Variants in ATP2B2 observed in about 807,000 individuals in gnomAD.
The protein encoded by ATP2B2 is plasma membrane calcium-transporting ATPase 2.
In ATP2B2, 15 loss-of-function variants were observed where a neutral mutation model predicts 120.0. The observed-to-expected ratio is 0.12, with a 90% CI of 0.08 to 0.19. The LOEUF is 0.19. Among genes scored for constraint, ATP2B2 ranks in the 10% least tolerant of loss-of-function variants. The pLI is 1.00. For synonymous variants in ATP2B2, 694 were observed against 700.3 expected (o/e 0.99, Z 0.14); for missense variants, 1,045 against 1,719.8 (o/e 0.61, Z 6.94).
chr3:10,679,309 A>G lies in ATP2B2; in HGVS notation c.-460+28606T>C, dbSNP rs183409015. ...CAGCAATAGACAACCAATACCTTACATCACAGGAATGTTTATGAGAAAATG... is the reference window on the plus strand; with the variant it reads ...CAGCAATAGACAACCAATACCTTACGTCACAGGAATGTTTATGAGAAAATG... On this transcript the variant is annotated intron_variant, in intron 1 of 21. Coordinates refer to the ATP2B2 transcript ENST00000646379. Among the ~76,000 whole-genome samples the G allele has an allele frequency of 5.9e-5, 9 of 152,348 alleles. No homozygotes were observed. The East Asian group carries it at 1.7e-3, about 29-fold the overall frequency.
At chr3:10,687,526 T>C (rs939523532) in intron 1 of ATP2B2, among the ~76,000 whole-genome samples, 1 of 151,908 alleles carries the variant, frequency 6.6e-6, no homozygotes, top group African/African-American at 2.4e-5. Flanking sequence ...CAAATTTTAG[T>C]GGGAAAACAA....
At chr3:10,476,436 A>G (rs1308351572) in intron 1 of ATP2B2, among the ~76,000 whole-genome samples, 1 of 152,222 alleles carries the variant, frequency 6.6e-6, no homozygotes, top group African/African-American at 2.4e-5. Flanking sequence ...AAATAGCACC[A>G]AGATGGCAGA....
At chr3:10,546,378 C>T (rs1483743506) in intron 2 of ATP2B2, among the ~76,000 whole-genome samples, 1 of 152,190 alleles carries the variant, frequency 6.6e-6, no homozygotes, top group Non-Finnish European at 1.5e-5. Flanking sequence ...TCCCCCTCAC[C>T]CACCTTAGCC....
chr3:10,580,667 GTTC>G (rs1304856872), intron 2 of ATP2B2, among the ~76,000 whole-genome samples: 2 of 152,056 alleles, frequency 1.3e-5, no homozygotes, highest in Admixed American at 6.6e-5. Context: ...CCCACGCCTT[GTTC>G]TTCTTCACAG....
chr3:10,598,154 GA>G (rs1387207295), intron 2 of ATP2B2, among the ~76,000 whole-genome samples: 3 of 152,224 alleles, frequency 2.0e-5, no homozygotes, highest in African/African-American at 7.2e-5. Flanking sequence ...AGGTATTCCA[GA>G]AAGGCCTCAC....
chr3:10,548,762 C>A (rs753297566), intron 2 of ATP2B2, among the ~76,000 whole-genome samples: 1 of 152,160 alleles, frequency 6.6e-6, no homozygotes, highest in South Asian at 2.1e-4. Flanking sequence ...CTGGAAGAAC[C>A]CAGTCTAAGG....
At chr3:10,637,311 C>A (rs542195996) in intron 1 of ATP2B2, among the ~76,000 whole-genome samples, 1 of 152,100 alleles carries the variant, frequency 6.6e-6, no homozygotes, top group African/African-American at 2.4e-5. Context: ...CAGGAAATTA[C>A]AATCAAAGTG....
chr3:10,632,318 C>T (rs2069888371), intron 1 of ATP2B2, among the ~76,000 whole-genome samples: 1 of 152,232 alleles, frequency 6.6e-6, no homozygotes, highest in Non-Finnish European at 1.5e-5. Context: ...CCACCACTCC[C>T]AGCTGCTCGT....
intron 2 of ATP2B2, among the ~76,000 whole-genome samples, chr3:10,567,375 C>T (rs1430994200): frequency 6.6e-6 from 1 of 152,234 alleles, no homozygotes; most frequent in Non-Finnish European, 1.5e-5. Context: ...ATGATAATGT[C>T]TCCTGTGTTA....
chr3:10,477,505 T>G (rs2065250646), intron 1 of ATP2B2, among the ~76,000 whole-genome samples: 1 of 152,240 alleles, frequency 6.6e-6, no homozygotes, highest in Non-Finnish European at 1.5e-5. Flanking sequence ...CAGAACGTTT[T>G]CCTCTTCCCA....
Position 10,677,073 on chromosome 3 carries a change from G to A in ATP2B2, c.-460+30842C>T, listed in dbSNP as rs191246635. Among the ~76,000 whole-genome samples the A allele has an allele frequency of 2.8e-3, 427 of 152,304 alleles. 1 individual carries two copies. The highest frequency in any genetic ancestry group is 9.8e-3 in the African/African-American group (408 of 41,562). ...TCACACTCCCTGGTATTTACCCAAA[G>A]CAGTTGAGAACTTATGTCCACACAA... is the stretch of plus-strand genomic sequence containing the variant. On this transcript the variant is annotated intron_variant, in intron 1 of 21. Coordinates refer to the ATP2B2 transcript ENST00000646379.
intron 3 of ATP2B2, among the ~76,000 whole-genome samples, chr3:10,533,635 G>T (rs1245509483): frequency 6.6e-6 from 1 of 152,212 alleles, no homozygotes; most frequent in African/African-American, 2.4e-5. Flanking sequence ...TGGCCCAGAG[G>T]GTAGAAGAAT....
chr3:10,517,891 G>T (rs190039537), intron 3 of ATP2B2, among the ~76,000 whole-genome samples: 159 of 152,328 alleles, frequency 1.0e-3, no homozygotes, highest in African/African-American at 3.7e-3. Flanking sequence ...AGGGAGCGAT[G>T]GCTGCAGATA....
intron 1 of ATP2B2, among the ~76,000 whole-genome samples, chr3:10,662,457 A>C (rs1467850890): frequency 7.3e-6 from 1 of 137,156 alleles, no homozygotes; most frequent in Non-Finnish European, 1.5e-5. Flanking sequence ...TTCTCAAAAG[A>C]AGACATTTAT....
At chr3:10,500,320 G>A (rs187892621) in intron 1 of ATP2B2, among the ~76,000 whole-genome samples, 2 of 152,214 alleles carry the variant, frequency 1.3e-5, no homozygotes, top group East Asian at 3.9e-4. Context: ...AGATAAGACT[G>A]TGTGCAGGTC....
Position 10,598,160 on chromosome 3 carries a change from C to A in ATP2B2, c.-415+21757G>T, listed in dbSNP as rs146173545. 6.8e-3 allele frequency among the ~76,000 whole-genome samples: 1,041 copies of A among 152,260 alleles called. 13 individuals are homozygous for A. The highest frequency in any genetic ancestry group is 0.024 in the African/African-American group (977 of 41,552). On this transcript the variant is annotated intron_variant, in intron 2 of 21. Coordinates refer to the ATP2B2 transcript ENST00000646379. Reference sequence around the variant, plus strand: ...TTCTCTGAGAGGTATTCCAGAAAGGCCTCACAAAGAAGTGAACTGAGCATA... The same window carrying A: ...TTCTCTGAGAGGTATTCCAGAAAGGACTCACAAAGAAGTGAACTGAGCATA...
At chr3:10,676,687 T>C (rs1424220146) in intron 1 of ATP2B2, among the ~76,000 whole-genome samples, 1 of 152,062 alleles carries the variant, frequency 6.6e-6, no homozygotes, top group Non-Finnish European at 1.5e-5. Flanking sequence ...TTCTAGAAAG[T>C]CCTCCCTAAG....
chr3:10,636,677 A>G (rs993620483), intron 1 of ATP2B2, among the ~76,000 whole-genome samples: 1 of 152,188 alleles, frequency 6.6e-6, no homozygotes, highest in Admixed American at 6.5e-5. Context: ...GAGATGAAAA[A>G]CAAAATAGGT....
chr3:10,675,944 A>G (rs1559516122), intron 1 of ATP2B2, among the ~76,000 whole-genome samples: 1 of 152,178 alleles, frequency 6.6e-6, no homozygotes, highest in African/African-American at 2.4e-5. Flanking sequence ...CTGAGGGTTC[A>G]TTCCCCACTG....
Sources: gnomAD v4.1 joint callset for allele counts (sites outside exome capture counted in the v4.1 genomes callset) on GRCh38, gnomAD v4.1.1 for gene constraint, MANE v1.5 for transcripts, NCBI Gene and HGNC (gene_info 2026-07-23, HGNC 2026-07-21) for gene names.